The following MED13 variants were observed in gnomAD, a reference collection of about 807,000 sequenced individuals.
MED13 encodes the protein mediator complex subunit 13.
Under a neutral mutation model 225.2 loss-of-function variants are expected in MED13, and 23 were observed. The ratio of observed to expected loss-of-function variants is 0.10; its 90% CI spans 0.07 to 0.14. The LOEUF is 0.14. Ranked by LOEUF, MED13 falls within the 10% of genes least tolerant of loss-of-function variation. The pLI is 1.00. For synonymous variants in MED13, 942 were observed against 889.2 expected (o/e 1.06, Z -1.06); for missense variants, 2,197 against 2,594.5 (o/e 0.85, Z 3.33).
At chr17:61,968,770 G>A (rs1008429564) in intron 17 of MED13, among the ~76,000 whole-genome samples, 1 of 151,826 alleles carries the variant, frequency 6.6e-6, no homozygotes, top group Non-Finnish European at 1.5e-5. Context: ...TTATTTTTTT[G>A]AGACAGGGTC....
At chr17:61,990,133 A>G (rs1349404615) in intron 11 of MED13, among the ~76,000 whole-genome samples, 2 of 152,230 alleles carry the variant, frequency 1.3e-5, no homozygotes, top group Non-Finnish European at 2.9e-5. Context: ...TCAAAAGTTA[A>G]ATGGATTTTG....
intron 4 of MED13, 79 bp downstream of exon 4, chr17:62,035,384 T>C: frequency 8.2e-7 from 1 of 1,218,408 alleles, no homozygotes; most frequent in Non-Finnish European, 1.1e-6. Flanking sequence ...ATTCCATCAA[T>C]CCCCAAATGT....
rs768341367 is a variant in MED13, at chr17:61,966,532, C to T, written c.4311G>A (p.Gln1437=). Residue 1437 remains glutamine (Q), a synonymous_variant, in exon 19 of 30, where the codon CAG becomes CAA. Coordinates refer to ENST00000397786, the MANE Select transcript of MED13 (RefSeq NM_005121.3). ...SEKLVAEWFS[Q]AADGNNEAFS... ...ATGCTTCATTGTTACCGTCAGCTGC[C>T]TGAGAAAACCATTCTGCTACCAACT... is the stretch of plus-strand genomic sequence containing the variant. 4.3e-6 allele frequency: 7 copies of T among 1,613,922 alleles called. No homozygotes were observed. Among genetic ancestry groups the T allele is most frequent in the Non-Finnish European group, 5.9e-6 (7 of 1,179,888 alleles).
At chr17:62,001,929 T>C (rs569086075) in intron 9 of MED13, among the ~76,000 whole-genome samples, 1 of 152,304 alleles carries the variant, frequency 6.6e-6, no homozygotes, top group South Asian at 2.1e-4. Flanking sequence ...TAAGAAGAGA[T>C]ACAAAATGCA....
At chr17:61,962,440 T>C (rs1482254749) in intron 21 of MED13, among the ~76,000 whole-genome samples, 1 of 152,214 alleles carries the variant, frequency 6.6e-6, no homozygotes, top group Non-Finnish European at 1.5e-5. Context: ...TTGCAACCTG[T>C]CTTGTTTAGG....
At chr17:62,029,824 T>C (rs1238122083) in intron 7 of MED13, 27 bp downstream of exon 7, 2 of 1,567,486 alleles carry the variant, frequency 1.3e-6, no homozygotes, top group Non-Finnish European at 1.7e-6. Flanking sequence ...ACATGCAATT[T>C]TTGAACTTAT....
intron 18 of MED13, among the ~76,000 whole-genome samples, chr17:61,966,942 T>C (rs2080064331): frequency 1.3e-5 from 2 of 152,170 alleles, no homozygotes; most frequent in African/African-American, 4.8e-5. Context: ...ACTAGAACCA[T>C]TTTGTTTGAA....
In MED13 at chr17:61,984,669, G is replaced by C; in HGVS notation, c.2673C>G (p.Pro891=). The C allele has an allele frequency of 6.2e-7, 1 of 1,611,778 alleles. No individual in the cohort carries two copies. Among genetic ancestry groups the C allele is most frequent in the Non-Finnish European group, 8.5e-7 (1 of 1,178,770 alleles). ...TACTTACTTTAATTTCAGAAGGTTT[G>C]GGGCTACAGAATCCCTCATCAACCT... The part of the protein sequence containing the change: ...KIEVDEGFCS[P]KPSEIKDFSY... Residue 891 remains proline, a synonymous_variant, in exon 14 of 30, where the codon CCC becomes CCG. Coordinates refer to ENST00000397786, the MANE Select transcript of MED13 (RefSeq NM_005121.3).
intron 29 of MED13, 24 bp downstream of exon 29, chr17:61,946,893 C>T: frequency 6.4e-7 from 1 of 1,558,890 alleles, no homozygotes; most frequent in Admixed American, 1.7e-5. Flanking sequence ...CAGTGACAAA[C>T]TGTTAATGGT....
chr17:61,944,439 T>C lies in MED13; in HGVS notation c.*2029A>G, dbSNP rs2079837909. On this transcript the variant is annotated 3_prime_UTR_variant, in exon 30 of 30. Transcript: ENST00000397786. ...CAACATAATGTGTGGTGTATTAGCATAATTTAAAAACAAATGCAGAGAGGT... is the reference window on the plus strand; with the variant it reads ...CAACATAATGTGTGGTGTATTAGCACAATTTAAAAACAAATGCAGAGAGGT... 6.6e-6 allele frequency: 1 copy of C among 151,798 alleles called. No homozygotes were observed. The highest frequency in any genetic ancestry group is 2.4e-5 in the African/African-American group (1 of 41,348). The allele number at this position is 151,798 out of a possible 1,614,324, so 9.4% of individuals were successfully genotyped here. A position where few individuals can be genotyped will look rare whatever the true frequency, so the allele number is the denominator to read the frequency against.
chr17:62,051,867 T>C (rs1010884409), intron 3 of MED13, among the ~76,000 whole-genome samples: 6 of 152,194 alleles, frequency 3.9e-5, no homozygotes, highest in Non-Finnish European at 7.3e-5. Context: ...GGAACTTAAA[T>C]CTTTTGAGAG....
At chr17:62,050,664 T>C (rs1185738779) in intron 3 of MED13, among the ~76,000 whole-genome samples, 1 of 152,204 alleles carries the variant, frequency 6.6e-6, no homozygotes, top group Non-Finnish European at 1.5e-5. Flanking sequence ...TTGCAGCCTT[T>C]CATTTTAAAT....
At chr17:62,048,509 G>A (rs1356069321) in intron 3 of MED13, among the ~76,000 whole-genome samples, 1 of 151,802 alleles carries the variant, frequency 6.6e-6, no homozygotes, top group Non-Finnish European at 1.5e-5. Context: ...AACTTAAGAG[G>A]TCCACTCTTT....
intron 2 of MED13, among the ~76,000 whole-genome samples, chr17:62,059,826 TTAAG>T (rs916402885): frequency 1.6e-4 from 25 of 152,324 alleles, no homozygotes; most frequent in Admixed American, 6.5e-4. Context: ...AACAACATTC[TTAAG>T]TAAATAACAG....
intron 9 of MED13, 99 bp downstream of exon 9, chr17:62,010,451 G>T: frequency 4.1e-6 from 3 of 736,350 alleles, no homozygotes; most frequent in Non-Finnish European, 5.8e-6. Context: ...ATTTATTCTT[G>T]TAAATCCTAC....
intron 11 of MED13, among the ~76,000 whole-genome samples, chr17:61,991,012 T>C (rs990138192): frequency 6.6e-6 from 1 of 152,238 alleles, no homozygotes; most frequent in Non-Finnish European, 1.5e-5. Flanking sequence ...GCAATGACCT[T>C]ATCTCCTCAT....
intron 2 of MED13, among the ~76,000 whole-genome samples, chr17:62,055,974 T>C (rs755856899): frequency 4.6e-5 from 7 of 152,204 alleles, no homozygotes; most frequent in Non-Finnish European, 8.8e-5. Context: ...GAGCTATGCA[T>C]AAAACAAACA....
At chr17:62,050,776 G>A (rs1366733599) in intron 3 of MED13, among the ~76,000 whole-genome samples, 1 of 152,172 alleles carries the variant, frequency 6.6e-6, no homozygotes, top group East Asian at 1.9e-4. Flanking sequence ...GGCCGAGGCG[G>A]GTGGATTGCC....
intron 19 of MED13, among the ~76,000 whole-genome samples, chr17:61,966,261 G>A (rs1343385381): frequency 6.6e-6 from 1 of 152,192 alleles, no homozygotes; most frequent in Non-Finnish European, 1.5e-5. Flanking sequence ...TAAAGGGTCA[G>A]ATAATAAATA....
Sources: gnomAD v4.1 joint callset for allele counts (sites outside exome capture counted in the v4.1 genomes callset) on GRCh38, gnomAD v4.1.1 for gene constraint, MANE v1.5 for transcripts, NCBI Gene and HGNC (gene_info 2026-07-23, HGNC 2026-07-21) for gene names.